TMEM131: variants seen among roughly 807,000 people sequenced by gnomAD.
The protein encoded by TMEM131 is 2610524E03Rik.
In TMEM131, 66 loss-of-function variants were observed where a neutral mutation model predicts 211.6. The ratio of observed to expected loss-of-function variants is 0.31; its 90% CI spans 0.26 to 0.38. The LOEUF (loss-of-function observed/expected upper bound fraction) is 0.38, where lower values mean the gene tolerates loss of function less well. Ranked by LOEUF, TMEM131 falls within the 10% of genes least tolerant of loss-of-function variation. TMEM131 has a pLI of 1.00. For missense variants in TMEM131, 2,036 were observed against 2,299.3 expected, an observed-to-expected ratio of 0.89 and a Z score of 2.34; for synonymous variants, 844 against 841.3, an observed-to-expected ratio of 1.00 and a Z score of -0.06.
chr2:97,906,205 G>A (rs1281554322), intron 3 of TMEM131, among the ~76,000 whole-genome samples: 1 of 152,304 alleles, frequency 6.6e-6, no homozygotes, highest in East Asian at 1.9e-4. Flanking sequence ...CTCTAGAACT[G>A]TGAGAAATAA....
At chr2:97,982,383 TTA>T (rs1305172057) in intron 1 of TMEM131, among the ~76,000 whole-genome samples, 1 of 152,218 alleles carries the variant, frequency 6.6e-6, no homozygotes, top group Non-Finnish European at 1.5e-5. Flanking sequence ...GTAACTGAGG[TTA>T]TGAGTTCTTT....
chr2:97,839,935 T>C (rs1683118325), intron 7 of TMEM131, among the ~76,000 whole-genome samples: 1 of 152,176 alleles, frequency 6.6e-6, no homozygotes, highest in African/African-American at 2.4e-5. Flanking sequence ...TTCATTCATG[T>C]TTGAATTGTT....
At position 97,977,678 on chromosome 2, in the gene TMEM131, A is replaced by C. The variant is rs1679602488; in HGVS notation, c.187+17798T>G. Among the ~76,000 whole-genome samples the C allele has an allele frequency of 2.0e-5, 3 of 152,174 alleles. No homozygotes were observed. In the South Asian group the frequency reaches 6.2e-4, roughly 32 times the overall value. ...TACTTTATTGCTAAAAAATCCTAAC[A>C]ATTATCTGAACCTTCAGCAAGTCAT... On this transcript the variant is annotated intron_variant, in intron 1 of 40. Coordinates refer to ENST00000186436, the MANE Select transcript of TMEM131 (RefSeq NM_015348.2).
At chr2:97,771,867 T>C (rs1007245067) in intron 33 of TMEM131, among the ~76,000 whole-genome samples, 2 of 152,226 alleles carry the variant, frequency 1.3e-5, no homozygotes, top group African/African-American at 4.8e-5. Flanking sequence ...AATAAACTTT[T>C]CCAAGTTTTA....
chr2:97,984,161 T>C (rs1209591531), intron 1 of TMEM131, among the ~76,000 whole-genome samples: 1 of 152,216 alleles, frequency 6.6e-6, no homozygotes, highest in Non-Finnish European at 1.5e-5. Context: ...AATTTGTCTA[T>C]TTATATACCA....
intron 2 of TMEM131, among the ~76,000 whole-genome samples, chr2:97,921,423 G>A (rs975171124): frequency 3.3e-5 from 5 of 152,132 alleles, no homozygotes; most frequent in South Asian, 2.1e-4. Context: ...ATATCTTCAC[G>A]ACCTTGGGAT....
At chr2:97,954,806 CAAAAAAAAAAAAAA>C (rs778680522) in intron 1 of TMEM131, among the ~76,000 whole-genome samples, 3 of 37,056 alleles carry the variant, frequency 8.1e-5, no homozygotes, top group Admixed American at 6.6e-4. Context: ...AACTCCATCT[CAAAAAAAAAAAAAA>C]AAAAAAAAAC....
intron 2 of TMEM131, among the ~76,000 whole-genome samples, chr2:97,926,691 T>C (rs889907049): frequency 6.6e-6 from 1 of 152,182 alleles, no homozygotes; most frequent in African/African-American, 2.4e-5. Context: ...AGACTATTAG[T>C]GAATCACATC....
At chr2:97,919,887 A>AT (rs1281152593) in intron 2 of TMEM131, among the ~76,000 whole-genome samples, 2 of 152,158 alleles carry the variant, frequency 1.3e-5, no homozygotes, top group African/African-American at 2.4e-5. Context: ...GATTTCCAAT[A>AT]TTTTTTCTAT....
chr2:97,759,555 G>A (rs1212785411), intron 39 of TMEM131, 97 bp downstream of exon 39: 3 of 1,057,536 alleles, frequency 2.8e-6, no homozygotes, highest in Non-Finnish European at 4.3e-6. Context: ...CTTCCACAGT[G>A]CTGCTGTGCT....
intron 1 of TMEM131, among the ~76,000 whole-genome samples, chr2:97,993,373 C>G (rs1445455786): frequency 6.6e-6 from 1 of 152,118 alleles, no homozygotes; most frequent in Admixed American, 6.5e-5. Context: ...GTATTTGTGC[C>G]TCATCAGATG....
rs192931231 is a variant in TMEM131 at position 97,921,997 on chromosome 2, T to C, written c.249+5429A>G. On this transcript the variant is annotated intron_variant, in intron 2 of 40. Transcript: ENST00000186436. ...ATGCATTATCTATTAAAATGGAAGA[T>C]ACACATACTCTATGACAGTGGTCCC... is the stretch of plus-strand genomic sequence containing the variant. Among the ~76,000 whole-genome samples the C allele has an allele frequency of 5.9e-5, 9 of 152,334 alleles. No homozygotes were observed. In the East Asian group the frequency reaches 1.3e-3, roughly 23 times the overall value.
intron 30 of TMEM131, 107 bp downstream of exon 30, chr2:97,793,288 G>T: frequency 8.1e-7 from 1 of 1,231,582 alleles, no homozygotes; most frequent in South Asian, 1.6e-5. Context: ...TCAGAATTAA[G>T]ATTTTTTTTC....
At chr2:97,796,461 C>T (rs1041585816) in intron 27 of TMEM131, 57 bp from the exon 28 acceptor site, 7 of 1,079,310 alleles carry the variant, frequency 6.5e-6, no homozygotes, top group Admixed American at 3.1e-5. Flanking sequence ...GCTCCCAGTC[C>T]AAATGATAAA....
intron 1 of TMEM131, among the ~76,000 whole-genome samples, chr2:97,930,970 TACAC>T (rs1413805427): frequency 1.3e-4 from 20 of 151,748 alleles, no homozygotes. Context: ...GGTAAAGAAA[TACAC>T]ACAGAGAGAT....
Position 97,814,025 on chromosome 2 carries a change from A to C in TMEM131, c.1563T>G (p.Ile521Met). The change falls in exon 15 of 41, where the codon ATT becomes ATG. Residue 521 changes from isoleucine to methionine, a missense_variant. Coordinates refer to ENST00000186436, the MANE Select transcript of TMEM131 (RefSeq NM_015348.2). ...SMHIDNNILL[I>M]TNASKFHLPV... is the part of the protein sequence containing the mutation. Reference sequence around the variant, plus strand: ...GTAAATGAAATTTAGAAGCATTGGTAATAAGTAAAATGTTGTTATCAATGT... The same window carrying C: ...GTAAATGAAATTTAGAAGCATTGGTCATAAGTAAAATGTTGTTATCAATGT... The C allele has an allele frequency of 6.2e-7, 1 of 1,600,754 alleles. No individual in the cohort carries two copies. The highest frequency in any genetic ancestry group is 2.2e-5 in the East Asian group (1 of 44,636).
chr2:97,931,599 G>A (rs956983196), intron 1 of TMEM131, among the ~76,000 whole-genome samples: 1 of 152,130 alleles, frequency 6.6e-6, no homozygotes, highest in East Asian at 1.9e-4. Flanking sequence ...AAAAATTTAT[G>A]CCATATTGTG....
At chr2:97,823,853 G>A (rs1682243313) in intron 11 of TMEM131, among the ~76,000 whole-genome samples, 1 of 152,166 alleles carries the variant, frequency 6.6e-6, no homozygotes, top group Non-Finnish European at 1.5e-5. Flanking sequence ...CCTAAAAGAT[G>A]AGTTTATTAC....
chr2:97,756,899 C>G lies in TMEM131; in HGVS notation c.*200G>C, dbSNP rs980506154. On this transcript the variant is annotated 3_prime_UTR_variant, in exon 41 of 41. Transcript: ENST00000186436. The stretch of plus-strand genomic sequence containing the variant: ...TCCAGACTTTTCTCTAAAAGCACAA[C>G]AGCAAATCTCATGTTATCATAATTG... 8.7e-6 allele frequency: 5 copies of G among 576,868 alleles called. No individual in the cohort carries two copies. Among genetic ancestry groups the G allele is most frequent in the African/African-American group, 7.5e-5 (4 of 53,036 alleles). 35.7% of individuals were successfully genotyped at this position (576,868 alleles called of 1,614,324 possible). A position where few individuals can be genotyped will look rare whatever the true frequency, so the allele number is the denominator to read the frequency against.
Sources: gnomAD v4.1 joint callset for allele counts (sites outside exome capture counted in the v4.1 genomes callset) on GRCh38, gnomAD v4.1.1 for gene constraint, MANE v1.5 for transcripts, NCBI Gene and HGNC (gene_info 2026-07-23, HGNC 2026-07-21) for gene names.